The following SPMAP1 variants were observed in gnomAD, a reference collection of about 807,000 sequenced individuals.
SPMAP1 encodes uncharacterized protein C17orf98.
the SPMAP1 span, chr17:38,837,242 TGAAAGTGGGCAAGA>T: frequency 5.0e-6 from 8 of 1,607,568 alleles, no homozygotes; most frequent in Non-Finnish European, 6.0e-6. Context: ...GCCATGATCC[TGAAAGTGGGCAAGA>T]GAAAGTGGGC....
the SPMAP1 span, among the ~76,000 whole-genome samples, chr17:38,839,799 C>A: frequency 1.3e-5 from 2 of 149,328 alleles, no homozygotes; most frequent in East Asian, 3.9e-4. Context: ...GACTCCGTCT[C>A]AAAAAAAAAT....
chr17:38,838,524 C>T, the SPMAP1 span, among the ~76,000 whole-genome samples: 1 of 152,214 alleles, frequency 6.6e-6, no homozygotes, highest in South Asian at 2.1e-4. Flanking sequence ...TACTTGAACC[C>T]AGGAGACAGA....
chr17:38,836,631 C>T, the SPMAP1 span, among the ~76,000 whole-genome samples: 12 of 141,314 alleles, frequency 8.5e-5, no homozygotes, highest in African/African-American at 2.8e-4. Context: ...CGCTGCATCG[C>T]CCAGGCTGGA....
chr17:38,838,694 G>C, the SPMAP1 span, among the ~76,000 whole-genome samples: 3 of 152,166 alleles, frequency 2.0e-5, no homozygotes, highest in Non-Finnish European at 2.9e-5. Context: ...CTGGAGGATT[G>C]CTTGAGCCCA....
At chr17:38,841,277 G>C in the SPMAP1 span, 4 of 1,614,170 alleles carry the variant, frequency 2.5e-6, no homozygotes, top group South Asian at 1.1e-5. Flanking sequence ...CGGAATCGCC[G>C]ACCACAGCTT....
chr17:38,837,218 T>C, the SPMAP1 span: 5 of 1,613,680 alleles, frequency 3.1e-6, no homozygotes, highest in Non-Finnish European at 3.4e-6. Flanking sequence ...TATCCAGCCA[T>C]CCCTTCCTGT....
At chr17:38,839,101 AAAAAAGG>A in the SPMAP1 span, among the ~76,000 whole-genome samples, 3 of 150,760 alleles carry the variant, frequency 2.0e-5, no homozygotes, top group African/African-American at 7.3e-5. Context: ...AAAAAAAAAA[AAAAAAGG>A]AAAGAAAGAA....
chr17:38,838,579 A>G, the SPMAP1 span, among the ~76,000 whole-genome samples: 2 of 150,474 alleles, frequency 1.3e-5, no homozygotes, highest in Non-Finnish European at 3.0e-5. Context: ...CAGCCTGGGC[A>G]ATAGGGCGAG....
At chr17:38,835,689 A>T in the SPMAP1 span, among the ~76,000 whole-genome samples, 1 of 152,202 alleles carries the variant, frequency 6.6e-6, no homozygotes, top group Non-Finnish European at 1.5e-5. Flanking sequence ...CCTCTGACCC[A>T]TGTGGAAAAA....
chr17:38,835,203 A>C, the SPMAP1 span: 1 of 1,614,206 alleles, frequency 6.2e-7, no homozygotes, highest in African/African-American at 1.3e-5. Context: ...AACAGAGGGA[A>C]GTGGGTGACC....
At chr17:38,840,432 G>A in the SPMAP1 span, among the ~76,000 whole-genome samples, 1 of 152,008 alleles carries the variant, frequency 6.6e-6, no homozygotes, top group Admixed American at 6.6e-5. Context: ...CCTGGAATGA[G>A]TCTATTCTCA....
chr17:38,841,176 C>G, the SPMAP1 span: 5 of 1,612,690 alleles, frequency 3.1e-6, no homozygotes, highest in Non-Finnish European at 4.2e-6. Context: ...CCGGGAAGCT[C>G]CTATACCTGA....
chr17:38,839,392 C>A, the SPMAP1 span, among the ~76,000 whole-genome samples: 1 of 147,176 alleles, frequency 6.8e-6, no homozygotes, highest in East Asian at 2.0e-4. Context: ...CGCTTGAACA[C>A]GGAAAGCAGA....
chr17:38,836,666 C>T, the SPMAP1 span, among the ~76,000 whole-genome samples: 2 of 147,780 alleles, frequency 1.4e-5, no homozygotes, highest in Non-Finnish European at 3.0e-5. Flanking sequence ...TCTTGGCACA[C>T]TGCAACCTCC....
chr17:38,837,259 A>G, the SPMAP1 span: 6 of 1,554,958 alleles, frequency 3.9e-6, no homozygotes, highest in Non-Finnish European at 5.3e-6. Flanking sequence ...GGGCAAGAGA[A>G]AGTGGGCAAG....
the SPMAP1 span, among the ~76,000 whole-genome samples, chr17:38,836,804 C>T: frequency 2.6e-5 from 4 of 151,860 alleles, no homozygotes; most frequent in African/African-American, 9.7e-5. Flanking sequence ...CCAGGTTGGC[C>T]AGGCTGGTTT....
chr17:38,835,211 A>G, the SPMAP1 span: 1 of 1,614,140 alleles, frequency 6.2e-7, no homozygotes, highest in Non-Finnish European at 8.5e-7. Flanking sequence ...GAAGTGGGTG[A>G]CCTCTCCGAA....
the SPMAP1 span, among the ~76,000 whole-genome samples, chr17:38,840,784 C>T: frequency 6.6e-6 from 1 of 151,860 alleles, no homozygotes; most frequent in East Asian, 1.9e-4. Flanking sequence ...CCAGCCTGGG[C>T]GAGAATCAGA....
chr17:38,838,726 C>T, the SPMAP1 span, among the ~76,000 whole-genome samples: 1 of 152,140 alleles, frequency 6.6e-6, no homozygotes, highest in South Asian at 2.1e-4. Context: ...CTGCAGTGAG[C>T]TGTGCCACTG....
Sources: allele counts gnomAD v4.1 joint callset (sites outside exome capture counted in the v4.1 genomes callset), GRCh38; gene constraint gnomAD v4.1.1; transcripts MANE v1.5; gene names NCBI Gene and HGNC (gene_info 2026-07-23, HGNC 2026-07-21).